The following NBEA variants were observed in gnomAD, a reference collection of about 807,000 sequenced individuals.
NBEA encodes the protein neurobeachin, also known as lysosomal-trafficking regulator 2.
Under a neutral mutation model 343.4 loss-of-function variants are expected in NBEA, and 44 were observed. The ratio of observed to expected loss-of-function variants is 0.13; its 90% CI spans 0.10 to 0.16. The LOEUF (loss-of-function observed/expected upper bound fraction) is 0.16, where lower values mean the gene tolerates loss of function less well. Among genes scored for constraint, NBEA ranks in the 10% least tolerant of loss-of-function variants. The pLI is 1.00. For synonymous variants in NBEA, 1,175 were observed against 1,238.7 expected, an observed-to-expected ratio of 0.95 and a Z score of 1.08; for missense variants, 2,555 against 3,631.3, an observed-to-expected ratio of 0.70 and a Z score of 7.62.
At chr13:35,118,538 A>G in intron 16 of NBEA, 64 bp downstream of exon 16, 1 of 1,186,316 alleles carries the variant, frequency 8.4e-7, no homozygotes, top group Non-Finnish European at 1.2e-6. Flanking sequence ...CTCCTAGAAT[A>G]ACTGCTATTC....
chr13:35,318,888 A>T (rs964764237), intron 36 of NBEA, among the ~76,000 whole-genome samples: 21 of 152,076 alleles, frequency 1.4e-4, no homozygotes, highest in African/African-American at 5.1e-4. Context: ...GTTTATTTGC[A>T]TAGAGGTGTT....
rs869140392 is a variant in NBEA, at chr13:35,010,741, AATAT to A, written c.295-30156_295-30153del. 2.2e-3 allele frequency among the ~76,000 whole-genome samples: 69 copies of A among 31,930 alleles called. 1 individual carries two copies. Among genetic ancestry groups the A allele is most frequent in the South Asian group, 5.4e-3 (3 of 556 alleles). 20.9% of individuals were successfully genotyped at this position (31,930 alleles called of 152,430 possible). Reference sequence around the variant, plus strand: ...TGGGTCTCTACAAAAAAAAAAAAAAAATATATATATATATATATATATATATATA... The same window carrying A: ...TGGGTCTCTACAAAAAAAAAAAAAAAATATATATATATATATATATATATA... On this transcript the variant is annotated intron_variant, in intron 1 of 58. Transcript: ENST00000379939.
chr13:35,664,992 A>G, intron 55 of NBEA, 93 bp from the exon 56 acceptor site: 1 of 838,488 alleles, frequency 1.2e-6, no homozygotes, highest in South Asian at 1.5e-5. Flanking sequence ...TGCCCTTAAT[A>G]AACATGGGTA....
chr13:35,032,484 T>G (rs1286626689), intron 1 of NBEA, among the ~76,000 whole-genome samples: 1 of 151,926 alleles, frequency 6.6e-6, no homozygotes, highest in African/African-American at 2.4e-5. Context: ...CTTTGCCCAT[T>G]TTTTAGTGGG....
At chr13:35,519,769 T>C (rs2077626277) in intron 41 of NBEA, among the ~76,000 whole-genome samples, 1 of 152,230 alleles carries the variant, frequency 6.6e-6, no homozygotes, top group South Asian at 2.1e-4. Flanking sequence ...TATCATTTCT[T>C]GTATTGGGAA....
intron 38 of NBEA, among the ~76,000 whole-genome samples, chr13:35,422,471 C>A (rs2044353861): frequency 1.3e-5 from 2 of 152,116 alleles, no homozygotes; most frequent in South Asian, 2.1e-4. Context: ...CTACAAAGGA[C>A]ATGAACTCAT....
At chr13:35,259,196 T>A (rs1438355328) in intron 34 of NBEA, among the ~76,000 whole-genome samples, 1 of 152,196 alleles carries the variant, frequency 6.6e-6, no homozygotes, top group African/African-American at 2.4e-5. Flanking sequence ...TTGAAACCTT[T>A]GTTTTGAAAT....
intron 40 of NBEA, among the ~76,000 whole-genome samples, chr13:35,470,720 G>C (rs1290810867): frequency 6.6e-6 from 1 of 152,216 alleles, no homozygotes; most frequent in Non-Finnish European, 1.5e-5. Flanking sequence ...GTTCGAACCG[G>C]CCCGAGCGTT....
intron 17 of NBEA, among the ~76,000 whole-genome samples, chr13:35,136,914 A>G (rs931165549): frequency 2.6e-5 from 4 of 152,238 alleles, no homozygotes; most frequent in Admixed American, 6.5e-5. Flanking sequence ...CGAAGACCCA[A>G]CAATTCATAC....
intron 38 of NBEA, among the ~76,000 whole-genome samples, chr13:35,431,087 A>T (rs899207051): frequency 3.3e-5 from 5 of 152,076 alleles, no homozygotes; most frequent in Non-Finnish European, 7.4e-5. Flanking sequence ...ATGGCCATAC[A>T]TTGAAAAAAT....
chr13:35,442,759 A>G (rs1330020408), intron 39 of NBEA, among the ~76,000 whole-genome samples: 1 of 152,154 alleles, frequency 6.6e-6, no homozygotes, highest in African/African-American at 2.4e-5. Flanking sequence ...TCAGAACCAA[A>G]TTGTAAAAAT....
At chr13:35,139,757 T>TTTTTTTTTTTTG (rs2067980400) in intron 17 of NBEA, among the ~76,000 whole-genome samples, 1 of 135,834 alleles carries the variant, frequency 7.4e-6, no homozygotes, top group Non-Finnish European at 1.6e-5. Flanking sequence ...TTTTTTTTTT[T>TTTTTTTTTTTTG]TTTTTTTTTT....
chr13:35,227,613 T>G (rs1209547221), intron 33 of NBEA, among the ~76,000 whole-genome samples: 1 of 152,068 alleles, frequency 6.6e-6, no homozygotes, highest in Non-Finnish European at 1.5e-5. Flanking sequence ...CTATGTTTTC[T>G]TATTATAAAC....
At chr13:35,517,064 A>G (rs747575248) in intron 41 of NBEA, among the ~76,000 whole-genome samples, 1 of 152,204 alleles carries the variant, frequency 6.6e-6, no homozygotes, top group South Asian at 2.1e-4. Context: ...TTTTACATCT[A>G]TCCCATGTTT....
intron 53 of NBEA, among the ~76,000 whole-genome samples, chr13:35,653,741 C>A (rs550486859): frequency 1.3e-5 from 2 of 152,266 alleles, no homozygotes; most frequent in East Asian, 3.9e-4. Context: ...ATTTACATGT[C>A]TTTGGGAGCT....
intron 7 of NBEA, among the ~76,000 whole-genome samples, chr13:35,057,240 T>C (rs1012436595): frequency 1.3e-5 from 2 of 152,254 alleles, no homozygotes; most frequent in Admixed American, 6.5e-5. Flanking sequence ...TAGGCTTTCA[T>C]CTCCCGAAGG....
At chr13:35,477,264 G>A (rs1232956216) in intron 41 of NBEA, 3 of 165,924 alleles carry the variant, frequency 1.8e-5, no homozygotes, top group Admixed American at 6.5e-5. Flanking sequence ...AAACGTTATG[G>A]AGGTAGTATG....
intron 1 of NBEA, among the ~76,000 whole-genome samples, chr13:34,950,659 A>G (rs181596320): frequency 3.9e-5 from 6 of 152,104 alleles, no homozygotes; most frequent in African/African-American, 1.4e-4. Flanking sequence ...ACGAAGCATA[A>G]GAAAAATGTT....
chr13:35,216,783 C>T (rs534451013), intron 33 of NBEA, among the ~76,000 whole-genome samples: 1 of 151,938 alleles, frequency 6.6e-6, no homozygotes, highest in South Asian at 2.1e-4. Context: ...GTACGGATGA[C>T]AGTTTGTTTA....
Sources: gnomAD v4.1 joint callset for allele counts (sites outside exome capture counted in the v4.1 genomes callset) on GRCh38, gnomAD v4.1.1 for gene constraint, MANE v1.5 for transcripts, NCBI Gene and HGNC (gene_info 2026-07-23, HGNC 2026-07-21) for gene names.